Variants in CADPS observed in about 807,000 individuals in gnomAD.
CADPS encodes the protein calcium dependent secretion activator.
A neutral mutation model predicts 167.3 loss-of-function variants in CADPS; 57 were observed. The observed-to-expected ratio is 0.34, with a 90% CI of 0.28 to 0.42. CADPS has a LOEUF of 0.42. Among genes scored for constraint, CADPS ranks in the 20% least tolerant of loss-of-function variants. CADPS has a pLI of 1.00. For synonymous variants in CADPS, 676 were observed against 635.3 expected (o/e 1.06, Z -0.96); for missense variants, 1,414 against 1,738.1 (o/e 0.81, Z 3.32).
chr3:62,566,156 G>A (rs960841551), intron 9 of CADPS, among the ~76,000 whole-genome samples: 1 of 152,172 alleles, frequency 6.6e-6, no homozygotes, highest in African/African-American at 2.4e-5. Flanking sequence ...CTGTTTGGTG[G>A]TTTCCACACT....
rs1562758093 is a variant in CADPS, at chr3:62,601,990, T to C, written c.1326-9242A>G. Among the ~76,000 whole-genome samples the C allele has an allele frequency of 6.6e-6, 1 of 152,162 alleles. No homozygotes were observed. The highest frequency in any genetic ancestry group is 1.5e-5 in the Non-Finnish European group (1 of 68,038). On this transcript the variant is annotated intron_variant, in intron 6 of 29. Transcript: ENST00000383710. The surrounding 1 kb of genome is among the most constrained non-coding windows in gnomAD (Gnocchi z 4.3). ...GCATCTCTGTTTACTATTTAAAGCC[T>C]CTTATTTGCGGAAGCCTCCTCAGAC...
chr3:62,550,999 G>C (rs960911183), intron 10 of CADPS: 28 of 451,450 alleles, frequency 6.2e-5, no homozygotes, highest in African/African-American at 5.4e-4. Flanking sequence ...TAAATGCTGG[G>C]CTTCTGTCCT....
At chr3:62,607,641 C>T (rs2060870999) in intron 6 of CADPS, among the ~76,000 whole-genome samples, 1 of 152,178 alleles carries the variant, frequency 6.6e-6, no homozygotes, top group Admixed American at 6.5e-5. Context: ...CAGCCAGCCC[C>T]ATCCCGTGAG....
At chr3:62,814,546 A>T (rs1304017584) in intron 1 of CADPS, 1 of 152,182 alleles carries the variant, frequency 6.6e-6, no homozygotes, top group Non-Finnish European at 1.5e-5. Context: ...AATCTCTTCT[A>T]AATCTGTGTG....
intron 26 of CADPS, among the ~76,000 whole-genome samples, chr3:62,464,179 C>G (rs760395436): frequency 6.6e-6 from 1 of 152,204 alleles, no homozygotes; most frequent in Non-Finnish European, 1.5e-5. Context: ...CTGCCCTGCA[C>G]TCCCTTACAA....
intron 1 of CADPS, among the ~76,000 whole-genome samples, chr3:62,806,684 G>A (rs2094119632): frequency 6.6e-6 from 1 of 152,092 alleles, no homozygotes; most frequent in Admixed American, 6.5e-5. Context: ...CTAGTAATTG[G>A]CAGAGTATGT....
intron 29 of CADPS, among the ~76,000 whole-genome samples, chr3:62,402,541 T>C (rs1184699302): frequency 6.6e-6 from 1 of 152,232 alleles, no homozygotes; most frequent in Non-Finnish European, 1.5e-5. Context: ...AAAGCTACTT[T>C]CAGGGTATGT....
At chr3:62,750,932 A>C (rs2082553358) in intron 3 of CADPS, among the ~76,000 whole-genome samples, 2 of 152,132 alleles carry the variant, frequency 1.3e-5, no homozygotes, top group South Asian at 4.1e-4. Flanking sequence ...CCATTTTTTC[A>C]CTATCATATA....
At chr3:62,721,786 C>A (rs942648121) in intron 3 of CADPS, among the ~76,000 whole-genome samples, 4 of 151,968 alleles carry the variant, frequency 2.6e-5, no homozygotes, top group Admixed American at 6.6e-5. Flanking sequence ...ATGTTCACAT[C>A]AACCTTGTGA....
chr3:62,599,874 A>G (rs2059681864), intron 6 of CADPS, among the ~76,000 whole-genome samples: 1 of 67,078 alleles, frequency 1.5e-5, no homozygotes, highest in Non-Finnish European at 2.5e-5. Context: ...ATATAATAAT[A>G]TATAATATAT....
chr3:62,611,312 C>G (rs1372100863), intron 6 of CADPS, among the ~76,000 whole-genome samples: 2 of 152,172 alleles, frequency 1.3e-5, no homozygotes, highest in Non-Finnish European at 2.9e-5. Context: ...CTCAGCAAAC[C>G]TGTTGGTCTG....
rs1035801059 is a variant in CADPS, at chr3:62,874,108, C to A, written c.441+481G>T. ...GAGCGGAGCGCTGCTCCAAGACGCT[C>A]TTCTCCCTCCACCTCGGCGCCCCCA... is the stretch of plus-strand genomic sequence containing the variant. On this transcript the variant is annotated intron_variant, in intron 1 of 29. Coordinates refer to ENST00000383710, the MANE Select transcript of CADPS (RefSeq NM_003716.4). The surrounding 1 kb of genome is among the most constrained non-coding windows in gnomAD (Gnocchi z 7.1). Among the ~76,000 whole-genome samples, 12 of 152,354 alleles carry A rather than the reference C, an allele frequency of 7.9e-5. No individual in the cohort carries two copies. Among genetic ancestry groups the A allele is most frequent in the Admixed American group, 7.8e-4 (12 of 15,314 alleles).
intron 2 of CADPS, among the ~76,000 whole-genome samples, chr3:62,756,563 C>CAA (rs1445281700): frequency 4.6e-5 from 7 of 152,238 alleles, no homozygotes; most frequent in African/African-American, 1.7e-4. Flanking sequence ...TCATGGAGTC[C>CAA]AACTGACATA....
chr3:62,552,159 A>G (rs2077409208), intron 10 of CADPS, among the ~76,000 whole-genome samples: 1 of 144,952 alleles, frequency 6.9e-6, no homozygotes, highest in South Asian at 2.2e-4. Context: ...GTTCTCACTC[A>G]TAGGTGGGAA....
intron 3 of CADPS, among the ~76,000 whole-genome samples, chr3:62,664,738 C>T (rs1365976454): frequency 1.3e-5 from 2 of 152,148 alleles, no homozygotes; most frequent in Non-Finnish European, 2.9e-5. Context: ...ATATGGTGCT[C>T]GTACAGGTTA....
intron 2 of CADPS, among the ~76,000 whole-genome samples, chr3:62,765,465 T>C (rs1233345669): frequency 6.6e-6 from 1 of 152,096 alleles, no homozygotes; most frequent in Non-Finnish European, 1.5e-5. Context: ...CCTTTTAAAA[T>C]GGTGTAAGTG....
chr3:62,407,907 G>A (rs1405658037), intron 28 of CADPS, among the ~76,000 whole-genome samples: 1 of 152,044 alleles, frequency 6.6e-6, no homozygotes, highest in Admixed American at 6.5e-5. Context: ...CTAATTTTTT[G>A]TACTTTTACT....
At chr3:62,483,966 C>A (rs993534645) in intron 21 of CADPS, among the ~76,000 whole-genome samples, 1 of 152,124 alleles carries the variant, frequency 6.6e-6, no homozygotes, top group Non-Finnish European at 1.5e-5. Flanking sequence ...GCATAACATA[C>A]AAATGTATGC....
intron 1 of CADPS, among the ~76,000 whole-genome samples, chr3:62,819,911 T>C (rs1288429633): frequency 6.6e-6 from 1 of 152,224 alleles, no homozygotes; most frequent in Non-Finnish European, 1.5e-5. Context: ...GATTTTAATC[T>C]GTATCTCTTC....
Sources: allele counts gnomAD v4.1 joint callset (sites outside exome capture counted in the v4.1 genomes callset), GRCh38; gene constraint gnomAD v4.1.1; non-coding constraint Gnocchi (gnomAD v3.1); transcripts MANE v1.5; gene names NCBI Gene and HGNC (gene_info 2026-07-23, HGNC 2026-07-21).